The following EZH2 variants were observed in gnomAD, a reference collection of about 807,000 sequenced individuals.
The protein encoded by EZH2 is enhancer of zeste 2 polycomb repressive complex 2 subunit, also known as histone-lysine N-methyltransferase EZH2.
In EZH2, 18 loss-of-function variants were observed where a neutral mutation model predicts 98.4. The observed-to-expected ratio is 0.18, with a 90% confidence interval of 0.13 to 0.27. The LOEUF (loss-of-function observed/expected upper bound fraction) is 0.27. Among genes scored for constraint, EZH2 ranks in the 10% least tolerant of loss-of-function variants. EZH2 has a pLI of 1.00. For synonymous variants in EZH2, 338 were observed against 312.3 expected, an observed-to-expected ratio of 1.08 and a Z score of -0.87; for missense variants, 470 against 935.1, an observed-to-expected ratio of 0.50 and a Z score of 6.49.
intron 3 of EZH2, among the ~76,000 whole-genome samples, chr7:148,835,576 A>G (rs905235694): frequency 2.6e-5 from 4 of 152,134 alleles, no homozygotes; most frequent in African/African-American, 9.7e-5. Flanking sequence ...AATATACTGA[A>G]TATAATTACT....
chr7:148,834,352 T>TATATATATATATAC (rs1321608007), intron 3 of EZH2, among the ~76,000 whole-genome samples: 7 of 143,318 alleles, frequency 4.9e-5, no homozygotes, highest in African/African-American at 1.3e-4. Context: ...TATATATATA[T>TATATATATATATAC]ACACACACAC....
intron 1 of EZH2, among the ~76,000 whole-genome samples, chr7:148,869,322 T>C (rs2129490697): frequency 6.8e-6 from 1 of 146,936 alleles, no homozygotes; most frequent in East Asian, 2.0e-4. Context: ...AAAAGGACCC[T>C]ATAGGCAGCA....
At chr7:148,853,057 A>G (rs1398963547) in intron 1 of EZH2, among the ~76,000 whole-genome samples, 1 of 152,178 alleles carries the variant, frequency 6.6e-6, no homozygotes, top group African/African-American at 2.4e-5. Flanking sequence ...TTTTCCACAA[A>G]GAGGGGAGAG....
chr7:148,853,158 T>C (rs1163638983), intron 1 of EZH2, among the ~76,000 whole-genome samples: 1 of 152,146 alleles, frequency 6.6e-6, no homozygotes, highest in East Asian at 1.9e-4. Flanking sequence ...GTGGCTCATA[T>C]CCCAGCACTT....
chr7:148,858,571 C>T (rs918428482), intron 1 of EZH2, among the ~76,000 whole-genome samples: 46 of 152,310 alleles, frequency 3.0e-4, no homozygotes, highest in African/African-American at 9.9e-4. Context: ...GTCGTCCAGG[C>T]TGGAGTGCAG....
chr7:148,826,359 G>T, intron 8 of EZH2, 95 bp downstream of exon 8: 1 of 976,450 alleles, frequency 1.0e-6, no homozygotes, highest in Non-Finnish European at 1.4e-6. Flanking sequence ...GTAACTACAA[G>T]ATTAAATGAT....
At chr7:148,827,079 C>T (rs1807932848) in intron 7 of EZH2, 85 bp downstream of exon 7, 3 of 1,006,414 alleles carry the variant, frequency 3.0e-6, no homozygotes, top group Non-Finnish European at 4.5e-6. Flanking sequence ...GGCTCATCCG[C>T]TACATTGATT....
Position 148,847,230 on chromosome 7 carries a change from G to A in EZH2, c.69C>T (p.Tyr23=), listed in dbSNP as rs988314769. The A allele has an allele frequency of 6.2e-7, 1 of 1,613,736 alleles. No individual in the cohort carries two copies. Among genetic ancestry groups the A allele is most frequent in the Non-Finnish European group, 8.5e-7 (1 of 1,179,918 alleles). ...VCWRKRVKSE[Y]MRLRQLKRFR... is the part of the protein sequence containing the mutation. ...ACCTCTTGAGCTGTCTCAGTCGCATGTACTCTGATTTTACACGCTTCCGCC... is the reference window on the plus strand; with the variant it reads ...ACCTCTTGAGCTGTCTCAGTCGCATATACTCTGATTTTACACGCTTCCGCC... The change falls in exon 2 of 20, where the codon TAC becomes TAT. Residue 23 remains tyrosine (Y), a synonymous_variant. Coordinates refer to ENST00000320356, the MANE Select transcript of EZH2 (RefSeq NM_004456.5).
intron 15 of EZH2, chr7:148,811,962 T>C: frequency 2.1e-6 from 1 of 466,002 alleles, no homozygotes; most frequent in South Asian, 2.8e-5. Context: ...TTTGGTGGTG[T>C]TGGTCCTCTG....
chr7:148,876,553 T>C (rs1444733641), intron 1 of EZH2, among the ~76,000 whole-genome samples: 1 of 152,250 alleles, frequency 6.6e-6, no homozygotes, highest in Non-Finnish European at 1.5e-5. Context: ...GAGCCAACTC[T>C]ATAGAAAATT....
In EZH2 at chr7:148,807,480, G is replaced by C. The variant is rs1300820364; in HGVS notation, c.*166C>G. ...CAAAACACTTTGCAGCTGGTGAGAAGGCAATAAAAAGTTGATTTTTAAACT... is the reference window on the plus strand; with the variant it reads ...CAAAACACTTTGCAGCTGGTGAGAACGCAATAAAAAGTTGATTTTTAAACT... On this transcript the variant is annotated 3_prime_UTR_variant, in exon 20 of 20. Coordinates refer to ENST00000320356, the MANE Select transcript of EZH2 (RefSeq NM_004456.5). 1 of 618,918 alleles carries C rather than the reference G, an allele frequency of 1.6e-6. No homozygotes were observed. The allele number at this position is 618,918 out of a possible 1,614,324, so 38.3% of individuals were successfully genotyped here.
At chr7:148,882,788 TA>T (rs1821203952) in intron 1 of EZH2, among the ~76,000 whole-genome samples, 1 of 151,782 alleles carries the variant, frequency 6.6e-6, no homozygotes, top group South Asian at 2.1e-4. Context: ...AGCCTTTAAG[TA>T]AATAGCAAAG....
intron 1 of EZH2, among the ~76,000 whole-genome samples, chr7:148,873,652 T>C (rs1248389095): frequency 6.8e-6 from 1 of 147,862 alleles, no homozygotes; most frequent in African/African-American, 2.5e-5. Context: ...AATTTTACAG[T>C]AATCAATATC....
chr7:148,827,808 T>C (rs995226812), intron 6 of EZH2, among the ~76,000 whole-genome samples: 4 of 152,170 alleles, frequency 2.6e-5, no homozygotes, highest in African/African-American at 9.7e-5. Flanking sequence ...TCTAAATCTA[T>C]CCCCTCAAAT....
intron 3 of EZH2, among the ~76,000 whole-genome samples, chr7:148,845,447 T>C (rs1482304111): frequency 1.3e-5 from 2 of 152,142 alleles, no homozygotes; most frequent in Admixed American, 6.5e-5. Context: ...ACAAAACGCA[T>C]AAATGACTAA....
chr7:148,879,040 C>T (rs1820569742), intron 1 of EZH2, among the ~76,000 whole-genome samples: 1 of 151,688 alleles, frequency 6.6e-6, no homozygotes, highest in Non-Finnish European at 1.5e-5. Flanking sequence ...GCTTGGCCAA[C>T]GTGGTGAAAC....
At chr7:148,832,484 TAATC>T (rs1054984285) in intron 4 of EZH2, 146 bp downstream of exon 4, 13 of 523,438 alleles carry the variant, frequency 2.5e-5, no homozygotes, top group Non-Finnish European at 3.4e-5. Flanking sequence ...AAAACTACCT[TAATC>T]AATTTTTAAA....
At chr7:148,832,566 A>C (rs887934444) in intron 4 of EZH2, 68 bp downstream of exon 4, 39 of 864,066 alleles carry the variant, frequency 4.5e-5, no homozygotes, top group African/African-American at 1.2e-4. Flanking sequence ...TTGACAATAA[A>C]ATTATCTATG....
intron 1 of EZH2, among the ~76,000 whole-genome samples, chr7:148,861,414 A>G (rs1018481066): frequency 6.6e-6 from 1 of 151,874 alleles, no homozygotes; most frequent in African/African-American, 2.4e-5. Context: ...TTTAGTAGAG[A>G]CAGGGTTTCA....
Sources: allele counts gnomAD v4.1 joint callset (sites outside exome capture counted in the v4.1 genomes callset), GRCh38; gene constraint gnomAD v4.1.1; transcripts MANE v1.5; gene names NCBI Gene and HGNC (gene_info 2026-07-23, HGNC 2026-07-21).